YOD1: variants seen among roughly 807,000 people sequenced by gnomAD.
YOD1 encodes YOD1 deubiquitinase, also known as ubiquitin thioesterase OTU1.
YOD1 carries 17 observed loss-of-function variants against 23.7 expected under a neutral mutation model. The observed-to-expected ratio is 0.72, with a 90% CI of 0.49 to 1.07. The LOEUF is 1.07. YOD1 is among the 50% of genes least tolerant of loss of function. YOD1 has a pLI of 0.00. For synonymous variants in YOD1, 191 were observed against 169.6 expected (o/e 1.13, Z -0.98); for missense variants, 413 against 447.2 (o/e 0.92, Z 0.69).
Position 207,046,693 on chromosome 1 carries a change from T to G in YOD1, c.*2327A>C, listed in dbSNP as rs1054955777. ...GAATAAATACTTGACACTTAATATG[T>G]AAACAAAGCCCTTACAATGAAGGGG... On this transcript the variant is annotated 3_prime_UTR_variant, in exon 2 of 2. Transcript: ENST00000315927. 6.6e-6 allele frequency: 1 copy of G among 152,102 alleles called. No homozygotes were observed. Among genetic ancestry groups the G allele is most frequent in the African/African-American group, 2.4e-5 (1 of 41,456 alleles). 9.4% of individuals were successfully genotyped at this position (152,102 alleles called of 1,614,324 possible). A position where few individuals can be genotyped will look rare whatever the true frequency, so the allele number is the denominator to read the frequency against.
Position 207,049,512 on chromosome 1 carries a change from G to A in YOD1, c.555C>T (p.Leu185=), listed in dbSNP as rs918786042. ...GATCGCTTGCTACAATTTGTGCTAT[G>A]AGGCGTCTCATCTCAGGGGCACAAG... The part of the protein sequence containing the change: ...NPACAPEMRR[L]IAQIVASDPD... The change falls in exon 2 of 2, where the codon CTC becomes CTT. Residue 185 remains leucine, a synonymous_variant. Coordinates refer to ENST00000315927, the MANE Select transcript of YOD1 (RefSeq NM_018566.4). The A allele has an allele frequency of 6.8e-6, 11 of 1,614,038 alleles. No homozygotes were observed. The highest frequency in any genetic ancestry group is 9.3e-6 in the Non-Finnish European group (11 of 1,180,040).
upstream of YOD1, chr1:207,052,183 A>G (rs1168507113): frequency 1.9e-6 from 3 of 1,612,464 alleles, no homozygotes; most frequent in Admixed American, 5.0e-5. Context: ...GTGCAAACTC[A>G]CCTCCACTGT....
rs1451805557 is a variant in YOD1, at chr1:207,045,207, T to A, written c.*3813A>T. 1 of 152,426 alleles carries A rather than the reference T, an allele frequency of 6.6e-6. No homozygotes were observed. The allele number at this position is 152,426 out of a possible 1,614,324, so 9.4% of individuals were successfully genotyped here. A position where few individuals can be genotyped will look rare whatever the true frequency, so the allele number is the denominator to read the frequency against. On this transcript the variant is annotated 3_prime_UTR_variant, in exon 2 of 2. Coordinates refer to ENST00000315927, the MANE Select transcript of YOD1 (RefSeq NM_018566.4). ...AACAAGTTTTAAGGATCGAATCTTTTAGAAATTATCAGTCATCTCTGCACT... is the reference window on the plus strand; with the variant it reads ...AACAAGTTTTAAGGATCGAATCTTTAAGAAATTATCAGTCATCTCTGCACT...
At position 207,051,133 on chromosome 1, in the gene YOD1, T is replaced by TC; in HGVS notation, c.-104dup. The TC allele has an allele frequency of 7.0e-7, 1 of 1,419,972 alleles. No homozygotes were observed. Among genetic ancestry groups the TC allele is most frequent in the South Asian group, 1.5e-5 (1 of 65,144 alleles). 88.0% of individuals were successfully genotyped at this position (1,419,972 alleles called of 1,614,324 possible). A position where few individuals can be genotyped will look rare whatever the true frequency, so the allele number is the denominator to read the frequency against. On this transcript the variant is annotated 5_prime_UTR_variant, in exon 1 of 2. Coordinates refer to ENST00000315927, the MANE Select transcript of YOD1 (RefSeq NM_018566.4). The stretch of plus-strand genomic sequence containing the variant: ...CTCTTTTAAAGTGACAACTGATTTT[T>TC]CCCCCACCCTCAGAACGAAGATGTA...
rs1168817679 is a variant in YOD1, at chr1:207,051,191, G to C, written c.-161C>G. 10 of 1,362,186 alleles carry C rather than the reference G, an allele frequency of 7.3e-6. No homozygotes were observed. The South Asian group carries it at 1.5e-4, about 20-fold the overall frequency. The allele number at this position is 1,362,186 out of a possible 1,614,324, so 84.4% of individuals were successfully genotyped here. A position where few individuals can be genotyped will look rare whatever the true frequency, so the allele number is the denominator to read the frequency against. ...GTATTCCTAAAGGACAACGGGTCTT[G>C]CTACCTATAGAGCGAGTGAGGTGCC... On this transcript the variant is annotated 5_prime_UTR_variant, in exon 1 of 2. Transcript: ENST00000315927.
At position 207,049,182 on chromosome 1, in the gene YOD1, T is replaced by C; in HGVS notation, c.885A>G (p.Val295=). The C allele has an allele frequency of 6.2e-7, 1 of 1,614,070 alleles. No homozygotes were observed. Among genetic ancestry groups the C allele is most frequent in the Non-Finnish European group, 8.5e-7 (1 of 1,180,018 alleles). The change falls in exon 2 of 2, where the codon GTA becomes GTG. Residue 295 remains valine, a synonymous_variant. Transcript: ENST00000315927. The part of the protein sequence containing the change: ...IFSSNDDIVL[V]QALELADEAR... ...CTTCATCTGCTAATTCCAGTGCTTG[T>C]ACAAGAACAATATCATCATTAGAGG...
In YOD1 at chr1:207,050,974, G is replaced by A. The variant is rs900736502; in HGVS notation, c.57C>T (p.Pro19=). The change falls in exon 1 of 2, where the codon CCC becomes CCT. Residue 19 remains proline (P), a synonymous_variant. Coordinates refer to ENST00000315927, the MANE Select transcript of YOD1 (RefSeq NM_018566.4). Reference sequence around the variant, plus strand: ...CGGCAGCCTGTTGGGAGACGCCGCCGGGGAAACCAGGCGCCGGGTGGACTC... The same window carrying A: ...CGGCAGCCTGTTGGGAGACGCCGCCAGGGAAACCAGGCGCCGGGTGGACTC... ...HFGVHPAPGF[P]GGVSQQAAGT... is the part of the protein sequence containing the mutation. The A allele has an allele frequency of 5.8e-6, 9 of 1,541,204 alleles. No homozygotes were observed. Among genetic ancestry groups the A allele is most frequent in the African/African-American group, 2.7e-5 (2 of 72,826 alleles).
At position 207,050,091 on chromosome 1, in the gene YOD1, ATCTAC is replaced by A. The variant is rs140605738; in HGVS notation, c.344-373_344-369del. Among the ~76,000 whole-genome samples the A allele has an allele frequency of 5.8e-3, 878 of 152,338 alleles. 6 individuals carry two copies. Among genetic ancestry groups the A allele is most frequent in the Non-Finnish European group, 0.011 (726 of 68,030 alleles). ...GGGGGTTCTCCTTCTCCGGAAACTTATCTACTCTAGAGTGTTTACAACATCCTTGA... is the reference window on the plus strand; with the variant it reads ...GGGGGTTCTCCTTCTCCGGAAACTTATCTAGAGTGTTTACAACATCCTTGA... On this transcript the variant is annotated intron_variant, in intron 1 of 1. Coordinates refer to ENST00000315927, the MANE Select transcript of YOD1 (RefSeq NM_018566.4).
upstream of YOD1, among the ~76,000 whole-genome samples, chr1:207,052,675 C>A (rs2808449): frequency 0.028 from 4,269 of 151,994 alleles, 204 homozygotes; most frequent in African/African-American, 0.097. Context: ...CCAAACCAAA[C>A]CAAAACAAAA....
rs1218945664 is a variant in YOD1, at chr1:207,049,333, C to T, written c.734G>A (p.Arg245Lys). The T allele has an allele frequency of 5.6e-6, 9 of 1,614,162 alleles. No homozygotes were observed. The highest frequency in any genetic ancestry group is 7.6e-6 in the Non-Finnish European group (9 of 1,180,032). The change falls in exon 2 of 2, where the codon AGA becomes AAA. Residue 245 changes from arginine (R) to lysine (K), a missense_variant. Transcript: ENST00000315927. The stretch of plus-strand genomic sequence containing the variant: ...TGCATCTTCCCCAAAACGATCAATT[C>T]TTACTGTCTGTGTATCCACTACACA... ...EICVVDTQTV[R>K]IDRFGEDAGY...
chr1:207,047,660 G>GT lies in YOD1; in HGVS notation c.*1359dup, dbSNP rs1398046228. ...AGAAAACTTTTATCTGGAAGATCTT[G>GT]TAGTGAAGCTAAGTTTTAGAGGGTG... On this transcript the variant is annotated 3_prime_UTR_variant, in exon 2 of 2. Coordinates refer to ENST00000315927, the MANE Select transcript of YOD1 (RefSeq NM_018566.4). 1 of 152,640 alleles carries GT rather than the reference G, an allele frequency of 6.6e-6. No homozygotes were observed. The highest frequency in any genetic ancestry group is 1.5e-5 in the Non-Finnish European group (1 of 68,014). 9.5% of individuals were successfully genotyped at this position (152,640 alleles called of 1,614,324 possible). A position where few individuals can be genotyped will look rare whatever the true frequency, so the allele number is the denominator to read the frequency against.
chr1:207,051,243 A>T (rs537183741), upstream of YOD1, among the ~76,000 whole-genome samples: 1 of 152,306 alleles, frequency 6.6e-6, no homozygotes, highest in Non-Finnish European at 1.5e-5. Context: ...TATATGCTCA[A>T]GAAAAGAGGG....
Position 207,049,497 on chromosome 1 carries a change from T to C in YOD1, c.570A>G (p.Val190=), listed in dbSNP as rs758700075. Residue 190 remains valine, a synonymous_variant, in exon 2 of 2, where the codon GTA becomes GTG. Transcript: ENST00000315927. ...PEMRRLIAQI[V]ASDPDFYSEA... is the part of the protein sequence containing the mutation. ...CACTATAGAAGTCTGGATCGCTTGCTACAATTTGTGCTATGAGGCGTCTCA... is the reference window on the plus strand; with the variant it reads ...CACTATAGAAGTCTGGATCGCTTGCCACAATTTGTGCTATGAGGCGTCTCA... 6.2e-7 allele frequency: 1 copy of C among 1,614,212 alleles called. No homozygotes were observed. Among genetic ancestry groups the C allele is most frequent in the African/African-American group, 1.3e-5 (1 of 75,046 alleles).
At position 207,049,530 on chromosome 1, in the gene YOD1, G is replaced by T. The variant is rs780399188; in HGVS notation, c.537C>A (p.Ala179=). ...GTGCTATGAGGCGTCTCATCTCAGG[G>T]GCACAAGCTGGATTCAAGACTCCTC... ...VEGGVLNPAC[A]PEMRRLIAQI... The change falls in exon 2 of 2, where the codon GCC becomes GCA. Residue 179 remains alanine (A), a synonymous_variant. Coordinates refer to ENST00000315927, the MANE Select transcript of YOD1 (RefSeq NM_018566.4). 1 of 1,614,126 alleles carries T rather than the reference G, an allele frequency of 6.2e-7. No individual in the cohort carries two copies. The highest frequency in any genetic ancestry group is 8.5e-7 in the Non-Finnish European group (1 of 1,180,038).
At chr1:207,049,882 T>C (rs1207101164) in intron 1 of YOD1, among the ~76,000 whole-genome samples, 159 bp from the exon 2 acceptor site, 1 of 152,220 alleles carries the variant, frequency 6.6e-6, no homozygotes, top group Non-Finnish European at 1.5e-5. Flanking sequence ...GTAAGAATCT[T>C]TGTTCACTGA....
In YOD1 at chr1:207,046,331, T is replaced by C. The variant is rs1012918235; in HGVS notation, c.*2689A>G. ...TTTTCAAAATTCCCAAGATGAGAAT[T>C]TACTCCCTTTAATAACTAATTCCAA... On this transcript the variant is annotated 3_prime_UTR_variant, in exon 2 of 2. Transcript: ENST00000315927. 2 of 152,044 alleles carry C rather than the reference T, an allele frequency of 1.3e-5. No homozygotes were observed. The highest frequency in any genetic ancestry group is 6.5e-5 in the Admixed American group (1 of 15,278). The allele number at this position is 152,044 out of a possible 1,614,324, so 9.4% of individuals were successfully genotyped here. A position where few individuals can be genotyped will look rare whatever the true frequency, so the allele number is the denominator to read the frequency against.
rs772683929 is a variant in YOD1, at chr1:207,049,517, G to A, written c.550C>T (p.Arg184Cys). The change falls in exon 2 of 2, where the codon CGC becomes TGC. Residue 184 changes from arginine (R) to cysteine (C), a missense_variant. By Grantham distance (180) the Arg-to-Cys change is radical. Coordinates refer to ENST00000315927, the MANE Select transcript of YOD1 (RefSeq NM_018566.4). ...LNPACAPEMR[R>C]LIAQIVASDP... Reference sequence around the variant, plus strand: ...CTTGCTACAATTTGTGCTATGAGGCGTCTCATCTCAGGGGCACAAGCTGGA... The same window carrying A: ...CTTGCTACAATTTGTGCTATGAGGCATCTCATCTCAGGGGCACAAGCTGGA... 6 of 1,614,082 alleles carry A rather than the reference G, an allele frequency of 3.7e-6. No individual in the cohort carries two copies. The highest frequency in any genetic ancestry group is 1.7e-5 in the Admixed American group (1 of 60,016).
chr1:207,050,920 C>T lies in YOD1; in HGVS notation c.111G>A (p.Trp37Ter), dbSNP rs1326075064. The part of the protein sequence containing the change: ...AGTKAGPAGA[W>*]PVGSRTDTMW... ...TCGTGTCGGTCCGGCTGCCCACAGGCCAGGCACCCGCGGGGCCAGCTTTGG... is the reference window on the plus strand; with the variant it reads ...TCGTGTCGGTCCGGCTGCCCACAGGTCAGGCACCCGCGGGGCCAGCTTTGG... Residue 37 changes from tryptophan to a stop codon, truncating the protein, a stop_gained, in exon 1 of 2, where the codon TGG becomes TGA. Transcript: ENST00000315927. LOFTEE classifies it high-confidence loss of function. The T allele has an allele frequency of 7.5e-6, 12 of 1,596,398 alleles. No homozygotes were observed. The highest frequency in any genetic ancestry group is 9.4e-6 in the Non-Finnish European group (11 of 1,171,582).
chr1:207,048,978 G>A lies in YOD1; in HGVS notation c.*42C>T. The A allele has an allele frequency of 6.4e-7, 1 of 1,554,034 alleles. No individual in the cohort carries two copies. Among genetic ancestry groups the A allele is most frequent in the Non-Finnish European group, 8.8e-7 (1 of 1,139,676 alleles). On this transcript the variant is annotated 3_prime_UTR_variant, in exon 2 of 2. Transcript: ENST00000315927. ...TTATTGGAAAACCCAGAGCCTTCTG[G>A]ATGTGTGAGGTAGTAGGCTTCAACC...
Sources: gnomAD v4.1 joint callset for allele counts (sites outside exome capture counted in the v4.1 genomes callset) on GRCh38, gnomAD v4.1.1 for gene constraint, MANE v1.5 for transcripts, NCBI Gene and HGNC (gene_info 2026-07-23, HGNC 2026-07-21) for gene names.